FSIP1: variants seen among roughly 807,000 people sequenced by gnomAD.
The protein encoded by FSIP1 is fibrous sheath interacting protein 1, also known as fibrous sheath-interacting protein 1.
In FSIP1, 65 loss-of-function variants were observed where a neutral mutation model predicts 60.9. The ratio of observed to expected loss-of-function variants is 1.07; its 90% CI spans 0.87 to 1.31. The LOEUF (loss-of-function observed/expected upper bound fraction) is 1.31, where lower values mean the gene tolerates loss of function less well. Among genes scored for constraint, FSIP1 ranks in the 40% most tolerant of loss-of-function variants. The pLI is 0.00. For synonymous variants in FSIP1, 209 were observed against 221.2 expected, an observed-to-expected ratio of 0.94 and a Z score of 0.49; for missense variants, 675 against 665.5, an observed-to-expected ratio of 1.01 and a Z score of -0.16.
intron 1 of FSIP1, among the ~76,000 whole-genome samples, chr15:39,779,320 C>T (rs1455834419): frequency 6.6e-6 from 1 of 150,842 alleles, no homozygotes; most frequent in African/African-American, 2.5e-5. Context: ...AAGATGATGA[C>T]ACATCAAGGA....
At chr15:39,693,228 C>T (rs1245333446) in intron 10 of FSIP1, among the ~76,000 whole-genome samples, 1 of 152,146 alleles carries the variant, frequency 6.6e-6, no homozygotes, top group African/African-American at 2.4e-5. Flanking sequence ...AGTTTCACAC[C>T]ACGTAATCAA....
At chr15:39,682,709 T>C (rs1894215629) in intron 10 of FSIP1, among the ~76,000 whole-genome samples, 1 of 152,192 alleles carries the variant, frequency 6.6e-6, no homozygotes, top group Non-Finnish European at 1.5e-5. Flanking sequence ...TTCCACTACC[T>C]TCCAAAATAA....
At chr15:39,676,809 C>G (rs1893961365) in intron 10 of FSIP1, among the ~76,000 whole-genome samples, 2 of 151,946 alleles carry the variant, frequency 1.3e-5, no homozygotes, top group South Asian at 4.1e-4. Context: ...TTAAATGTAA[C>G]AGGATTACCA....
chr15:39,674,447 T>C (rs1893855558), intron 10 of FSIP1, among the ~76,000 whole-genome samples: 1 of 152,174 alleles, frequency 6.6e-6, no homozygotes, highest in Non-Finnish European at 1.5e-5. Context: ...ACAGCCAAGA[T>C]ACTTTTGAAA....
chr15:39,599,249 C>A (rs749079105), downstream of FSIP1: 11 of 152,170 alleles, frequency 7.2e-5, no homozygotes, highest in Non-Finnish European at 1.3e-4. Flanking sequence ...TGTTGAATTA[C>A]GTTACAGACT....
chr15:39,609,209 T>C (rs923883337), intron 11 of FSIP1, among the ~76,000 whole-genome samples: 1 of 152,174 alleles, frequency 6.6e-6, no homozygotes, highest in Non-Finnish European at 1.5e-5. Flanking sequence ...TTCTAGCCAA[T>C]GGAGGCACTC....
At chr15:39,694,166 T>C (rs1322853849) in intron 10 of FSIP1, among the ~76,000 whole-genome samples, 1 of 151,472 alleles carries the variant, frequency 6.6e-6, no homozygotes, top group Non-Finnish European at 1.5e-5. Flanking sequence ...TACCAAGAGA[T>C]TTATTTTTTT....
At chr15:39,597,887 C>T (rs747880243), downstream of FSIP1, 2 of 152,110 alleles carry the variant, frequency 1.3e-5, no homozygotes, top group Non-Finnish European at 2.9e-5. Flanking sequence ...GTGGGCAACA[C>T]GATTGCATGT....
intron 10 of FSIP1, among the ~76,000 whole-genome samples, chr15:39,630,402 C>T (rs1891832988): frequency 6.6e-6 from 1 of 152,298 alleles, no homozygotes; most frequent in African/African-American, 2.4e-5. Flanking sequence ...TAAATAGTTT[C>T]CCTTTCACAC....
intron 10 of FSIP1, among the ~76,000 whole-genome samples, chr15:39,635,704 A>G (rs1395376739): frequency 6.6e-6 from 1 of 152,162 alleles, no homozygotes; most frequent in African/African-American, 2.4e-5. Flanking sequence ...CAGGAATCCC[A>G]TTATCAGTAG....
At chr15:39,646,683 G>A (rs994945036) in intron 10 of FSIP1, among the ~76,000 whole-genome samples, 1 of 149,174 alleles carries the variant, frequency 6.7e-6, no homozygotes, top group African/African-American at 2.5e-5. Context: ...GATACAGAGT[G>A]ACACTGTGAC....
At chr15:39,611,371 C>A (rs1402835384) in intron 11 of FSIP1, among the ~76,000 whole-genome samples, 2 of 151,940 alleles carry the variant, frequency 1.3e-5, no homozygotes, top group African/African-American at 4.8e-5. Flanking sequence ...AGGCAGGGCT[C>A]AAACTCCTTG....
chr15:39,670,177 C>T (rs764444734), intron 10 of FSIP1, among the ~76,000 whole-genome samples: 1 of 152,156 alleles, frequency 6.6e-6, no homozygotes, highest in Admixed American at 6.5e-5. Flanking sequence ...AATAATATGA[C>T]CACTGAATCA....
chr15:39,762,876 G>A (rs1897550556), intron 5 of FSIP1, among the ~76,000 whole-genome samples: 2 of 152,310 alleles, frequency 1.3e-5, no homozygotes, highest in East Asian at 1.9e-4. Flanking sequence ...CAGCCGTTTG[G>A]AAACAAACTA....
intron 9 of FSIP1, among the ~76,000 whole-genome samples, chr15:39,720,250 T>C (rs1895900897): frequency 6.6e-6 from 1 of 152,180 alleles, no homozygotes; most frequent in African/African-American, 2.4e-5. Flanking sequence ...AAAAAATTAA[T>C]TGTTGCTGTC....
chr15:39,731,105 A>T (rs958477572), intron 8 of FSIP1, among the ~76,000 whole-genome samples: 2 of 152,220 alleles, frequency 1.3e-5, no homozygotes, highest in African/African-American at 4.8e-5. Flanking sequence ...GAAAGTGGGT[A>T]GATTGTAGTA....
intron 10 of FSIP1, among the ~76,000 whole-genome samples, chr15:39,664,221 G>A (rs1893409334): frequency 6.6e-6 from 1 of 152,080 alleles, no homozygotes; most frequent in Non-Finnish European, 1.5e-5. Context: ...AGCAACTAAT[G>A]AATTGATAAG....
chr15:39,657,104 A>G (rs1256831605), intron 10 of FSIP1, among the ~76,000 whole-genome samples: 1 of 152,238 alleles, frequency 6.6e-6, no homozygotes, highest in East Asian at 1.9e-4. Flanking sequence ...ACAAGTCTCA[A>G]AGACCGGGCA....
At chr15:39,621,385 C>A (rs1013943812) in intron 10 of FSIP1, among the ~76,000 whole-genome samples, 2 of 152,156 alleles carry the variant, frequency 1.3e-5, no homozygotes, top group African/African-American at 4.8e-5. Context: ...CAGAAATAAG[C>A]TGGACTACAA....
Sources: gnomAD v4.1 joint callset for allele counts (sites outside exome capture counted in the v4.1 genomes callset) on GRCh38, gnomAD v4.1.1 for gene constraint, MANE v1.5 for transcripts, NCBI Gene and HGNC (gene_info 2026-07-23, HGNC 2026-07-21) for gene names.